ZC3H12B: variants seen among roughly 807,000 people sequenced by gnomAD.
ZC3H12B encodes the protein probable ribonuclease ZC3H12B.
A neutral mutation model predicts 43.9 loss-of-function variants in ZC3H12B; 7 were observed. The observed-to-expected ratio is 0.16, with a 90% confidence interval of 0.09 to 0.30. ZC3H12B has a LOEUF of 0.30. ZC3H12B is among the 10% of genes least tolerant of loss of function. The probability of loss-of-function intolerance (pLI) is 1.00; values close to 1 mark genes in which losing one functional copy is unlikely to be tolerated. For synonymous variants in ZC3H12B, 222 were observed against 241.7 expected (o/e 0.92, Z 0.76); for missense variants, 475 against 670.2 (o/e 0.71, Z 3.22).
the ZC3H12B span, among the ~76,000 whole-genome samples, chrX:65,109,815 G>A: frequency 9.0e-6 from 1 of 111,285 alleles, no homozygotes; most frequent in Non-Finnish European, 1.9e-5. Flanking sequence ...ATTCCCTCCA[G>A]CAAATGTATA....
upstream of ZC3H12B, among the ~76,000 whole-genome samples, chrX:65,485,381 G>A (rs1220496159): frequency 8.9e-6 from 1 of 112,199 alleles, no homozygotes; most frequent in Non-Finnish European, 1.9e-5. Context: ...AGCCTCCAGA[G>A]TAGCTGGGAC....
At chrX:65,205,345 G>C in the ZC3H12B span, among the ~76,000 whole-genome samples, 2 of 111,506 alleles carry the variant, frequency 1.8e-5, no homozygotes, top group South Asian at 7.4e-4. Context: ...TTAAAGAGTT[G>C]TATGTTAATA....
chrX:65,343,274 C>G, the ZC3H12B span, among the ~76,000 whole-genome samples: 1 of 111,548 alleles, frequency 9.0e-6, no homozygotes, highest in Admixed American at 9.5e-5. Context: ...CCATTCCTAC[C>G]AAAACTATTC....
the ZC3H12B span, among the ~76,000 whole-genome samples, chrX:65,335,190 C>T: frequency 8.9e-6 from 1 of 112,074 alleles, no homozygotes; most frequent in African/African-American, 3.2e-5. Flanking sequence ...GAGCTATCCA[C>T]TTCTAATTCC....
At chrX:65,383,826 T>A (rs904443524) in intron 2 of ZC3H12B, among the ~76,000 whole-genome samples, 2 of 110,211 alleles carry the variant, frequency 1.8e-5, no homozygotes, top group Non-Finnish European at 3.8e-5. Context: ...GAGACACCAT[T>A]TCACACCAGT....
the ZC3H12B span, among the ~76,000 whole-genome samples, chrX:65,150,944 A>AT: frequency 2.7e-5 from 3 of 111,764 alleles, no homozygotes; most frequent in South Asian, 1.1e-3. Context: ...ACACAATCCC[A>AT]TTTTATTATG....
chrX:65,467,579 G>A (rs145920793), intron 3 of ZC3H12B, among the ~76,000 whole-genome samples: 7 of 112,079 alleles, frequency 6.2e-5, no homozygotes, highest in African/African-American at 2.3e-4. Context: ...CAGCATATAA[G>A]CATTCTCTTT....
At chrX:65,389,042 C>T (rs2066572473) in intron 2 of ZC3H12B, among the ~76,000 whole-genome samples, 1 of 112,037 alleles carries the variant, frequency 8.9e-6, no homozygotes, top group Admixed American at 9.4e-5. Flanking sequence ...TGTCAGTCTT[C>T]CCCTACTGGG....
chrX:65,299,887 G>A, the ZC3H12B span, among the ~76,000 whole-genome samples: 2 of 112,578 alleles, frequency 1.8e-5, no homozygotes, highest in South Asian at 7.4e-4. Flanking sequence ...CCTTACTGGG[G>A]AACCTGAGGT....
At chrX:65,144,146 G>A in the ZC3H12B span, among the ~76,000 whole-genome samples, 1 of 111,175 alleles carries the variant, frequency 9.0e-6, no homozygotes, top group Non-Finnish European at 1.9e-5. Context: ...TTTTTTGTTG[G>A]TAATGTTTTA....
chrX:65,429,926 C>G (rs2067133481), intron 3 of ZC3H12B, among the ~76,000 whole-genome samples: 1 of 112,202 alleles, frequency 8.9e-6, no homozygotes, highest in African/African-American at 3.2e-5. Context: ...GAGATGGTGG[C>G]CACCTCTCCC....
At chrX:65,457,493 C>T (rs1024338368) in intron 3 of ZC3H12B, among the ~76,000 whole-genome samples, 5 of 88,677 alleles carry the variant, frequency 5.6e-5, no homozygotes, top group African/African-American at 1.2e-4. Flanking sequence ...AGGTGAGGGG[C>T]GCTTCTTCCC....
At chrX:65,281,860 G>A in the ZC3H12B span, among the ~76,000 whole-genome samples, 2 of 111,884 alleles carry the variant, frequency 1.8e-5, no homozygotes, top group Non-Finnish European at 3.8e-5. Context: ...CACAGCAAAG[G>A]AGACAATCAG....
intron 2 of ZC3H12B, among the ~76,000 whole-genome samples, chrX:65,393,356 T>C (rs1318529750): frequency 8.9e-6 from 1 of 112,116 alleles, no homozygotes; most frequent in African/African-American, 3.2e-5. Context: ...TAGGTATACA[T>C]GTGCCATGGT....
the ZC3H12B span, among the ~76,000 whole-genome samples, chrX:65,227,206 C>T: frequency 9.0e-6 from 1 of 111,554 alleles, no homozygotes; most frequent in Non-Finnish European, 1.9e-5. Flanking sequence ...TGCAATCAAA[C>T]TAGAACTCAG....
the ZC3H12B span, among the ~76,000 whole-genome samples, chrX:65,178,371 A>C: frequency 1.8e-5 from 2 of 112,254 alleles, no homozygotes; most frequent in Non-Finnish European, 3.8e-5. Flanking sequence ...TTCATGACGA[A>C]AACACCAAAA....
the ZC3H12B span, among the ~76,000 whole-genome samples, chrX:65,314,408 G>GA: frequency 2.7e-4 from 30 of 111,449 alleles, no homozygotes; most frequent in African/African-American, 9.8e-4. Flanking sequence ...GGCAGACCGA[G>GA]AAAAATGACA....
At chrX:65,382,715 G>C (rs1486903995) in intron 2 of ZC3H12B, among the ~76,000 whole-genome samples, 2 of 111,490 alleles carry the variant, frequency 1.8e-5, no homozygotes, top group Non-Finnish European at 3.8e-5. Context: ...CATCATCTCA[G>C]CCAAAAATCT....
At chrX:65,107,761 A>T in the ZC3H12B span, among the ~76,000 whole-genome samples, 7 of 110,902 alleles carry the variant, frequency 6.3e-5, no homozygotes, top group African/African-American at 2.3e-4. Flanking sequence ...CATGTGAAGG[A>T]CATGTTTGCC....
Sources: gnomAD v4.1 joint callset for allele counts (sites outside exome capture counted in the v4.1 genomes callset) on GRCh38, gnomAD v4.1.1 for gene constraint, MANE v1.5 for transcripts, NCBI Gene and HGNC (gene_info 2026-07-23, HGNC 2026-07-21) for gene names.